CACNA2D1: variants seen among roughly 807,000 people sequenced by gnomAD.
The protein encoded by CACNA2D1 is calcium voltage-gated channel auxiliary subunit alpha2delta 1, also known as voltage-dependent calcium channel subunit alpha-2/delta-1.
Under a neutral mutation model 171.5 loss-of-function variants are expected in CACNA2D1, and 53 were observed. The ratio of observed to expected loss-of-function variants is 0.31; its 90% confidence interval spans 0.25 to 0.39. CACNA2D1 has a LOEUF of 0.39. CACNA2D1 is among the 10% of genes least tolerant of loss of function. The pLI is 1.00. For synonymous variants in CACNA2D1, 442 were observed against 443.1 expected, an observed-to-expected ratio of 1.00 and a Z score of 0.03; for missense variants, 903 against 1,299.8, an observed-to-expected ratio of 0.69 and a Z score of 4.69.
intron 15 of CACNA2D1, among the ~76,000 whole-genome samples, chr7:82,010,417 G>A (rs1384418596): frequency 2.0e-5 from 3 of 148,978 alleles, no homozygotes; most frequent in Non-Finnish European, 3.0e-5. Context: ...TTATAGCACA[G>A]CACATTTAGA....
At chr7:82,276,055 T>A (rs1809276956) in intron 3 of CACNA2D1, among the ~76,000 whole-genome samples, 3 of 152,198 alleles carry the variant, frequency 2.0e-5, no homozygotes, top group Admixed American at 1.3e-4. Context: ...CCTATCATAT[T>A]CTTTAACTGA....
At chr7:82,082,224 A>G (rs1809883280) in intron 7 of CACNA2D1, among the ~76,000 whole-genome samples, 2 of 152,138 alleles carry the variant, frequency 1.3e-5, no homozygotes, top group South Asian at 2.1e-4. Flanking sequence ...GCAGAGGACC[A>G]TAGTGTTACA....
chr7:82,385,304 ATTAG>A (rs993878708), intron 1 of CACNA2D1, among the ~76,000 whole-genome samples: 5 of 152,238 alleles, frequency 3.3e-5, no homozygotes, highest in Non-Finnish European at 7.3e-5. Flanking sequence ...AGAAGGAATT[ATTAG>A]TTATTTAGAG....
chr7:82,360,565 A>G (rs1453384881), intron 1 of CACNA2D1, among the ~76,000 whole-genome samples: 1 of 152,220 alleles, frequency 6.6e-6, no homozygotes, highest in Admixed American at 6.5e-5. Context: ...TGATTCTGAT[A>G]TTATTTATAA....
chr7:82,393,581 A>G (rs922623708), intron 1 of CACNA2D1, among the ~76,000 whole-genome samples: 1 of 152,240 alleles, frequency 6.6e-6, no homozygotes, highest in African/African-American at 2.4e-5. Flanking sequence ...TTAATATAAC[A>G]AACACTGAGA....
At chr7:82,255,439 T>A (rs1046538340) in intron 3 of CACNA2D1, among the ~76,000 whole-genome samples, 1 of 152,164 alleles carries the variant, frequency 6.6e-6, no homozygotes, top group Admixed American at 6.5e-5. Context: ...TTTATAAATA[T>A]GTCATGTGAG....
intron 3 of CACNA2D1, among the ~76,000 whole-genome samples, chr7:82,234,982 T>C (rs905508840): frequency 1.3e-5 from 2 of 152,178 alleles, no homozygotes; most frequent in African/African-American, 4.8e-5. Flanking sequence ...TGCTGCGATT[T>C]ATCACTTGGG....
chr7:82,443,540 C>A lies in CACNA2D1; in HGVS notation c.-81G>T. 6.5e-7 allele frequency: 1 copy of A among 1,546,920 alleles called. No homozygotes were observed. Among genetic ancestry groups the A allele is most frequent in the Non-Finnish European group, 8.7e-7 (1 of 1,147,084 alleles). The stretch of plus-strand genomic sequence containing the variant: ...CTGGAAACCGCGGGCGGAGGAAGAG[C>A]AGCACACGCCGCCGGGACCGCGGGC... On this transcript the variant is annotated 5_prime_UTR_variant, in exon 1 of 39. Transcript: ENST00000356860.
chr7:82,152,303 G>C (rs1282803574), intron 4 of CACNA2D1, among the ~76,000 whole-genome samples: 1 of 110,974 alleles, frequency 9.0e-6, no homozygotes, highest in East Asian at 3.1e-4. Context: ...AATATACAAA[G>C]TTGAGCTCAG....
chr7:81,956,598 T>C lies in CACNA2D1; in HGVS notation c.3159+2677A>G, dbSNP rs561713410. Among the ~76,000 whole-genome samples the C allele has an allele frequency of 4.6e-5, 7 of 152,262 alleles. No homozygotes were observed. The East Asian group carries it at 1.4e-3, about 29-fold the overall frequency. ...TTCCTTACTTTGGCGTCTTTTGCCA[T>C]GAAAACTATTCTTTTATTATGCCAG... is the stretch of plus-strand genomic sequence containing the variant. On this transcript the variant is annotated intron_variant, in intron 38 of 38. Transcript: ENST00000356860.
chr7:82,136,728 C>G (rs1349428370), intron 4 of CACNA2D1, 52 bp from the exon 5 acceptor site: 2 of 1,183,294 alleles, frequency 1.7e-6, no homozygotes, highest in African/African-American at 1.5e-5. Flanking sequence ...AATACTGTAT[C>G]AAATACTGAA....
chr7:82,101,334 GCATGGCCAAAGT>G (rs1394312781), intron 6 of CACNA2D1, among the ~76,000 whole-genome samples: 1 of 152,026 alleles, frequency 6.6e-6, no homozygotes, highest in East Asian at 1.9e-4. Context: ...TCTACATTTG[GCATGGCCAAAGT>G]CTTGGGGGAG....
chr7:82,233,603 A>T (rs868192572), intron 3 of CACNA2D1, among the ~76,000 whole-genome samples: 101 of 152,248 alleles, frequency 6.6e-4, no homozygotes, highest in African/African-American at 2.2e-3. Flanking sequence ...CCAGATGAAA[A>T]TAGTAATATC....
chr7:82,097,703 G>A (rs116350983), intron 6 of CACNA2D1, among the ~76,000 whole-genome samples: 2,748 of 152,274 alleles, frequency 0.018, 33 homozygotes, highest in Middle Eastern at 0.048. Context: ...TCTTAGCCAT[G>A]AAGTGTATAA....
chr7:82,122,133 G>C (rs563394053), intron 5 of CACNA2D1, among the ~76,000 whole-genome samples: 248 of 152,172 alleles, frequency 1.6e-3, no homozygotes, highest in African/African-American at 5.7e-3. Context: ...TCACAAAGCA[G>C]CTGAAATTGA....
At chr7:82,400,904 C>T (rs1826324541) in intron 1 of CACNA2D1, among the ~76,000 whole-genome samples, 1 of 151,976 alleles carries the variant, frequency 6.6e-6, no homozygotes. Flanking sequence ...AGGACATGAA[C>T]AGACACTTCT....
chr7:82,101,026 C>G (rs1812613586), intron 6 of CACNA2D1, among the ~76,000 whole-genome samples: 1 of 151,986 alleles, frequency 6.6e-6, no homozygotes, highest in Non-Finnish European at 1.5e-5. Context: ...ATACCAAACA[C>G]AAATATAGAT....
At chr7:82,326,730 C>T (rs528760372) in intron 3 of CACNA2D1, among the ~76,000 whole-genome samples, 1 of 145,626 alleles carries the variant, frequency 6.9e-6, no homozygotes, top group Admixed American at 7.0e-5. Context: ...CTTCTTGTTT[C>T]TCCACTGTTC....
rs182246146 is a variant in CACNA2D1, at chr7:82,233,684, T to C, written c.295-63075A>G. Among the ~76,000 whole-genome samples the C allele has an allele frequency of 3.6e-3, 543 of 152,154 alleles. 4 individuals are homozygous for C. The highest frequency in any genetic ancestry group is 0.012 in the African/African-American group (508 of 41,530). ...GCATACTATACAGGACCTTTTTTTT[T>C]CCCCACTCTTACAACCACATCAAAA... On this transcript the variant is annotated intron_variant, in intron 3 of 38. Transcript: ENST00000356860.
Sources: gnomAD v4.1 joint callset for allele counts (sites outside exome capture counted in the v4.1 genomes callset) on GRCh38, gnomAD v4.1.1 for gene constraint, MANE v1.5 for transcripts, NCBI Gene and HGNC (gene_info 2026-07-23, HGNC 2026-07-21) for gene names.